LRP4: variants seen among roughly 807,000 people sequenced by gnomAD.
LRP4 encodes the protein LDL receptor related protein 4.
A neutral mutation model predicts 220.3 loss-of-function variants in LRP4; 95 were observed. That is an observed-to-expected ratio of 0.43 (90% confidence interval 0.37 to 0.51). The LOEUF (loss-of-function observed/expected upper bound fraction) is 0.51. Ranked by LOEUF, LRP4 falls within the 20% of genes least tolerant of loss-of-function variation. The pLI is 0.00. For synonymous variants in LRP4, 903 were observed against 954.6 expected (o/e 0.95, Z 1.00); for missense variants, 1,925 against 2,567.0 (o/e 0.75, Z 5.40).
chr11:46,865,223 A>G, intron 34 of LRP4, 37 bp from the exon 35 acceptor site: 1 of 1,466,674 alleles, frequency 6.8e-7, no homozygotes, highest in Non-Finnish European at 9.4e-7. Flanking sequence ...AAGCCTACTC[A>G]TACTCAGTGA....
chr11:46,862,229 G>C (rs1246820443), intron 37 of LRP4, among the ~76,000 whole-genome samples: 1 of 152,178 alleles, frequency 6.6e-6, no homozygotes, highest in Non-Finnish European at 1.5e-5. Context: ...AGGAGCTCTT[G>C]GGTTTTTTGG....
At chr11:46,909,798 G>A (rs1412929897) in intron 1 of LRP4, among the ~76,000 whole-genome samples, 1 of 151,898 alleles carries the variant, frequency 6.6e-6, no homozygotes, top group Non-Finnish European at 1.5e-5. Flanking sequence ...CAAAGGAAAA[G>A]AGACTCAGAA....
Position 46,881,752 on chromosome 11 carries a change from C to G in LRP4, c.2764G>C (p.Ala922Pro). Residue 922 changes from alanine (A) to proline (P), a missense_variant, in exon 20 of 38, where the codon GCC becomes CCC. By Grantham distance (27) the Ala-to-Pro change is conservative. Transcript: ENST00000378623. Reference sequence around the variant, plus strand: ...GCAAATTCAATTGTCTTCATGCCGGCGTCAGCCCAGTATAGACGCTGGGAC... The same window carrying G: ...GCAAATTCAATTGTCTTCATGCCGGGGTCAGCCCAGTATAGACGCTGGGAC... ...YGSQRLYWADAGMKTIEFAGL... is the reference protein window; with the variant it reads ...YGSQRLYWADPGMKTIEFAGL... 6.2e-7 allele frequency: 1 copy of G among 1,614,054 alleles called. No homozygotes were observed. The highest frequency in any genetic ancestry group is 2.2e-5 in the East Asian group (1 of 44,812).
chr11:46,900,272 C>T lies in LRP4; in HGVS notation c.306G>A (p.Glu102=). The change falls in exon 3 of 38, where the codon GAG becomes GAA. Residue 102 remains glutamate (E), a synonymous_variant. Coordinates refer to ENST00000378623, the MANE Select transcript of LRP4 (RefSeq NM_002334.4). ...GDNDCEDDSD[E]QDCPPRECEE... is the part of the protein sequence containing the mutation. ...TCTGCCAACACTCACGACAGTCCTG[C>T]TCATCCGAGTCATCCTCACAGTCGT... 4 of 1,613,470 alleles carry T rather than the reference C, an allele frequency of 2.5e-6. No homozygotes were observed. The South Asian group carries it at 3.3e-5, about 13-fold the overall frequency.
rs1940977344 is a variant in LRP4 at position 46,875,210 on chromosome 11, A to G, written c.3926-107T>C. On this transcript the variant is annotated intron_variant, in intron 27 of 37. Coordinates refer to ENST00000378623, the MANE Select transcript of LRP4 (RefSeq NM_002334.4). This position sits in a 1 kb window ranked among gnomAD's most constrained non-coding sequence, Gnocchi z 4.5. ...GCTCTTTGCTGTTCTAAGTGACAGG[A>G]TTCAGTGCCTGGCAGGGTGAGGTAG... The G allele has an allele frequency of 1.7e-6, 2 of 1,209,928 alleles. No homozygotes were observed. The highest frequency in any genetic ancestry group is 1.5e-5 in the African/African-American group (1 of 66,986). The allele number at this position is 1,209,928 out of a possible 1,614,324, so 74.9% of individuals were successfully genotyped here.
Position 46,890,337 on chromosome 11 carries a change from G to C in LRP4, c.1855C>G (p.His619Asp). Residue 619 changes from histidine to aspartate, a missense_variant, in exon 14 of 38, where the codon CAC becomes GAC. Transcript: ENST00000378623. The surrounding 1 kb of genome is among the most constrained non-coding windows in gnomAD (Gnocchi z 5.3). ...GRRMYWVDAKHHVIERANLDG... is the reference protein window; with the variant it reads ...GRRMYWVDAKDHVIERANLDG... ...AGATTGGCCCTCTCGATGACATGGT[G>C]CTTAGCATCCACCCAGTACATACGG... 6.2e-7 allele frequency: 1 copy of C among 1,614,138 alleles called. No individual in the cohort carries two copies. Among genetic ancestry groups the C allele is most frequent in the Non-Finnish European group, 8.5e-7 (1 of 1,180,038 alleles).
intron 1 of LRP4, among the ~76,000 whole-genome samples, chr11:46,915,070 C>T (rs150627942): frequency 4.6e-5 from 7 of 152,110 alleles, no homozygotes; most frequent in Non-Finnish European, 7.4e-5. Context: ...CTTAATACCA[C>T]GTGCCAGTCC....
rs910332805 is a variant in LRP4, at chr11:46,905,339, G to A, written c.53-2410C>T. ...TCTAGCTGGATTGAACAGCAAAGAT[G>A]TTTAATTCCACTCCATGTGATGGGA... On this transcript the variant is annotated intron_variant, in intron 1 of 37. Transcript: ENST00000378623. 2.0e-5 allele frequency among the ~76,000 whole-genome samples: 3 copies of A among 152,308 alleles called. No individual in the cohort carries two copies. In the Middle Eastern group the frequency reaches 0.01, roughly 518 times the overall value.
intron 31 of LRP4, 23 bp downstream of exon 31, chr11:46,871,501 GT>G (rs1440291955): frequency 6.6e-7 from 1 of 1,517,734 alleles, no homozygotes; most frequent in South Asian, 1.2e-5. Context: ...AGGAGGTTTA[GT>G]TACCTCTCTC....
At chr11:46,874,185 G>GTATAT (rs1940948456) in intron 28 of LRP4, 1 of 164,442 alleles carries the variant, frequency 6.1e-6, no homozygotes, top group African/African-American at 2.4e-5. Flanking sequence ...CTGTCACCTA[G>GTATAT]GGGACTTCCC....
chr11:46,868,092 A>T lies in LRP4; in HGVS notation c.4974T>A (p.Ala1658=). ...CSLVPGLVPP[A]PRATGMSEKS... is the part of the protein sequence containing the mutation. ...TTTCACTCATGCCAGTAGCCCTAGG[A>T]GCTGGTGGTACCAGGCCAGGCACTA... Residue 1658 remains alanine (A), a synonymous_variant, in exon 34 of 38, where the codon GCT becomes GCA. Coordinates refer to ENST00000378623, the MANE Select transcript of LRP4 (RefSeq NM_002334.4). 1 of 1,614,146 alleles carries T rather than the reference A, an allele frequency of 6.2e-7. No homozygotes were observed. The highest frequency in any genetic ancestry group is 8.5e-7 in the Non-Finnish European group (1 of 1,180,034).
chr11:46,918,247 G>A lies in LRP4; in HGVS notation c.52+81C>T. 7.0e-7 allele frequency: 1 copy of A among 1,423,532 alleles called. No individual in the cohort carries two copies. Among genetic ancestry groups the A allele is most frequent in the Non-Finnish European group, 9.4e-7 (1 of 1,059,526 alleles). The allele number at this position is 1,423,532 out of a possible 1,614,324, so 88.2% of individuals were successfully genotyped here. A position where few individuals can be genotyped will look rare whatever the true frequency, so the allele number is the denominator to read the frequency against. On this transcript the variant is annotated intron_variant, in intron 1 of 37. Coordinates refer to ENST00000378623, the MANE Select transcript of LRP4 (RefSeq NM_002334.4). This position sits in a 1 kb window ranked among gnomAD's most constrained non-coding sequence, Gnocchi z 6.0. ...CGAGGGCGAGGGGTCTCAGGCCCCG[G>A]CCCGCGCCGTCCAGGTCCCGGGAGG...
chr11:46,916,489 A>G (rs906749522), intron 1 of LRP4, among the ~76,000 whole-genome samples: 5 of 152,072 alleles, frequency 3.3e-5, no homozygotes, highest in African/African-American at 1.2e-4. Context: ...GAATCCTCCC[A>G]TTCTTTTTCT....
In LRP4 at chr11:46,881,849, C is replaced by T; in HGVS notation, c.2667G>A (p.Met889Ile). The T allele has an allele frequency of 6.2e-7, 1 of 1,614,186 alleles. No homozygotes were observed. Residue 889 changes from methionine to isoleucine, a missense_variant, in exon 20 of 38, where the codon ATG becomes ATA. This residue lies in a region of LRP4 where 1,244 missense variants were observed against 1,624.9 expected (regional missense o/e 0.77). Transcript: ENST00000378623. Reference sequence around the variant, plus strand: ...TAATGACTTGGCGGCCTGAGGCATCCATGCCAGCTCGTTCAATCTTGGGGC... The same window carrying T: ...TAATGACTTGGCGGCCTGAGGCATCTATGCCAGCTCGTTCAATCTTGGGGC... Reference protein sequence around the residue: ...GASPKIERAGMDASGRQVIIS... With the variant: ...GASPKIERAGIDASGRQVIIS...
chr11:46,892,871 C>G, intron 13 of LRP4, 102 bp downstream of exon 13: 1 of 1,452,288 alleles, frequency 6.9e-7, no homozygotes, highest in Non-Finnish European at 9.5e-7. Context: ...CGCCCAGCTA[C>G]ACCACACTTT....
chr11:46,905,979 G>C (rs1315740961), intron 1 of LRP4, among the ~76,000 whole-genome samples: 1 of 152,118 alleles, frequency 6.6e-6, no homozygotes, highest in African/African-American at 2.4e-5. Context: ...GGATGTACCA[G>C]ACGGGAGTTC....
intron 19 of LRP4, 140 bp downstream of exon 19, chr11:46,883,731 C>A: frequency 1.5e-6 from 1 of 664,280 alleles, no homozygotes; most frequent in Non-Finnish European, 2.6e-6. Context: ...TGGCAACCAG[C>A]CTCTGGTTTC....
rs746746234 is a variant in LRP4, at chr11:46,869,062, C to T, written c.4763G>A (p.Arg1588Gln). The T allele has an allele frequency of 9.9e-6, 16 of 1,613,990 alleles. No individual in the cohort carries two copies. The highest frequency in any genetic ancestry group is 3.3e-5 in the South Asian group (3 of 91,078). The change falls in exon 32 of 38, where the codon CGG becomes CAG. Residue 1588 changes from arginine (R) to glutamine (Q), a missense_variant. Physicochemically the swap from Arg to Gln is conservative, Grantham distance 43. Around this residue, in one of 3 missense-constraint regions of LRP4, gnomAD observed 1,244 missense variants for 1,624.9 expected, o/e 0.77. Transcript: ENST00000378623. ...SIQRVDKYSG[R>Q]NKETVLANVE... ...ATTTGCCAGCACTGTCTCCTTGTTC[C>T]GGCCTGAGTATTTGTCAACACGCTG...
chr11:46,865,035 C>T, intron 35 of LRP4, 84 bp downstream of exon 35: 1 of 1,172,296 alleles, frequency 8.5e-7, no homozygotes, highest in Non-Finnish European at 1.2e-6. Context: ...CCCCAGAGTC[C>T]CAATGAAGGT....
Sources: gnomAD v4.1 joint callset for allele counts (sites outside exome capture counted in the v4.1 genomes callset) on GRCh38, gnomAD v4.1.1 for gene constraint, gnomAD v4.1.1 regional missense constraint, Gnocchi (gnomAD v3.1) non-coding constraint, MANE v1.5 for transcripts, NCBI Gene and HGNC (gene_info 2026-07-23, HGNC 2026-07-21) for gene names.